Variants in LRRC37A2 observed in about 807,000 individuals in gnomAD.
LRRC37A2 encodes leucine-rich repeat-containing protein 37A2.
Under a neutral mutation model 68.8 loss-of-function variants are expected in LRRC37A2, and 9 were observed. The ratio of observed to expected loss-of-function variants is 0.13; its 90% CI spans 0.08 to 0.23. The LOEUF (loss-of-function observed/expected upper bound fraction) is 0.23, where lower values mean the gene tolerates loss of function less well. LRRC37A2 is among the 10% of genes least tolerant of loss of function. The probability of loss-of-function intolerance (pLI) is 1.00; values close to 1 mark genes in which losing one functional copy is unlikely to be tolerated. For synonymous variants in LRRC37A2, 63 were observed against 367.6 expected (o/e 0.17, Z 9.48); for missense variants, 168 against 950.4 (o/e 0.18, Z 10.82).
the LRRC37A2 span, among the ~76,000 whole-genome samples, chr17:46,901,096 G>A: frequency 6.6e-6 from 1 of 152,286 alleles, no homozygotes; most frequent in Non-Finnish European, 1.5e-5. Flanking sequence ...GGAGGAAGAT[G>A]TTTGAGGTAG....
the LRRC37A2 span, among the ~76,000 whole-genome samples, chr17:46,840,008 T>TTTCTTTTTTCTTTC: frequency 8.8e-5 from 5 of 56,626 alleles, no homozygotes; most frequent in Middle Eastern, 5.7e-3. Context: ...TTCTTCTTTC[T>TTTCTTTTTTCTTTC]TTCTTTCTTT....
the LRRC37A2 span, among the ~76,000 whole-genome samples, chr17:47,016,214 G>C: frequency 6.6e-6 from 1 of 152,094 alleles, no homozygotes; most frequent in African/African-American, 2.4e-5. Flanking sequence ...AAAGTTCTGG[G>C]ATTATGGGTG....
the LRRC37A2 span, among the ~76,000 whole-genome samples, chr17:46,942,285 C>T: frequency 7.2e-5 from 11 of 152,344 alleles, no homozygotes; most frequent in Middle Eastern, 3.4e-3. Context: ...CCTTCATAAA[C>T]AGCTTGCCTG....
chr17:46,955,920 A>G, the LRRC37A2 span, among the ~76,000 whole-genome samples: 2 of 152,178 alleles, frequency 1.3e-5, no homozygotes, highest in Admixed American at 6.5e-5. Context: ...CAGACTAGCA[A>G]CTTCCTGAGG....
the LRRC37A2 span, among the ~76,000 whole-genome samples, chr17:46,767,164 G>A: frequency 3.3e-5 from 5 of 152,208 alleles, no homozygotes; most frequent in South Asian, 1.0e-3. Context: ...GACCTATCCC[G>A]GGGTGCTGTG....
At chr17:47,044,664 C>A in the LRRC37A2 span, among the ~76,000 whole-genome samples, 2 of 151,868 alleles carry the variant, frequency 1.3e-5, no homozygotes, top group East Asian at 1.9e-4. Context: ...TGTTTCCCAG[C>A]CATTCTAAGG....
the LRRC37A2 span, among the ~76,000 whole-genome samples, chr17:46,690,624 A>ATATAT: frequency 5.0e-4 from 56 of 110,954 alleles, 1 homozygote; most frequent in African/African-American, 1.3e-3. Context: ...AAAAAAAAAA[A>ATATAT]ATATATATAT....
At chr17:46,456,184 T>C in the LRRC37A2 span, among the ~76,000 whole-genome samples, 1 of 107,730 alleles carries the variant, frequency 9.3e-6, no homozygotes, top group Non-Finnish European at 2.1e-5. Context: ...CGTTCTTTGT[T>C]ATGGCTGAAT....
At chr17:46,905,790 G>T in the LRRC37A2 span, among the ~76,000 whole-genome samples, 1 of 94,176 alleles carries the variant, frequency 1.1e-5, no homozygotes, top group Non-Finnish European at 2.6e-5. Context: ...TTGTGTGTGT[G>T]TGTGTGTGTG....
chr17:46,999,830 C>T, the LRRC37A2 span, among the ~76,000 whole-genome samples: 1 of 150,770 alleles, frequency 6.6e-6, no homozygotes, highest in Non-Finnish European at 1.5e-5. Flanking sequence ...GGAACCCCTT[C>T]TCTACTAAAA....
At chr17:46,826,838 T>C in the LRRC37A2 span, among the ~76,000 whole-genome samples, 1 of 150,244 alleles carries the variant, frequency 6.7e-6, no homozygotes, top group Non-Finnish European at 1.5e-5. Context: ...GCTGGAGTGA[T>C]CTTGTCTCAC....
At chr17:46,759,810 T>C in the LRRC37A2 span, among the ~76,000 whole-genome samples, 1 of 152,234 alleles carries the variant, frequency 6.6e-6, no homozygotes, top group Non-Finnish European at 1.5e-5. Flanking sequence ...TTCCTTCCCT[T>C]CTTTCTTCAT....
the LRRC37A2 span, among the ~76,000 whole-genome samples, chr17:46,723,572 G>A: frequency 6.6e-6 from 1 of 152,094 alleles, no homozygotes; most frequent in African/African-American, 2.4e-5. Flanking sequence ...GAAGATAAAA[G>A]GCCCTTCCCT....
chr17:46,800,632 T>TC, the LRRC37A2 span, among the ~76,000 whole-genome samples: 1 of 152,176 alleles, frequency 6.6e-6, no homozygotes, highest in Non-Finnish European at 1.5e-5. Flanking sequence ...GCAATGAGAA[T>TC]CCAGCTGGAG....
At chr17:46,952,824 T>A in the LRRC37A2 span, 2 of 152,160 alleles carry the variant, frequency 1.3e-5, no homozygotes, top group Non-Finnish European at 2.9e-5. Flanking sequence ...ATCCTTTTCC[T>A]ACTTAAGCTG....
At chr17:46,763,987 G>A in the LRRC37A2 span, 3 of 152,196 alleles carry the variant, frequency 2.0e-5, no homozygotes, top group Non-Finnish European at 4.4e-5. Context: ...CTCTTCAAAC[G>A]GCTGACCAGG....
At chr17:46,901,314 A>T in the LRRC37A2 span, among the ~76,000 whole-genome samples, 1 of 152,108 alleles carries the variant, frequency 6.6e-6, no homozygotes, top group East Asian at 1.9e-4. Context: ...GACTTGCACC[A>T]TCATGCCCGG....
At chr17:47,005,188 G>T in the LRRC37A2 span, among the ~76,000 whole-genome samples, 6 of 152,160 alleles carry the variant, frequency 3.9e-5, no homozygotes, top group African/African-American at 1.4e-4. Context: ...GTTTTCCTTG[G>T]AAATGTTTTC....
At chr17:46,978,747 C>G in the LRRC37A2 span, 1 of 1,612,570 alleles carries the variant, frequency 6.2e-7, no homozygotes, top group Non-Finnish European at 8.5e-7. Context: ...GGTTGCAGCC[C>G]AGGAAGAAGA....
Sources: allele counts gnomAD v4.1 joint callset (sites outside exome capture counted in the v4.1 genomes callset), GRCh38; gene constraint gnomAD v4.1.1; transcripts MANE v1.5; gene names NCBI Gene and HGNC (gene_info 2026-07-23, HGNC 2026-07-21).